DIP2A: variants seen among roughly 807,000 people sequenced by gnomAD.
The protein encoded by DIP2A is disco-interacting protein 2 homolog A.
DIP2A carries 85 observed loss-of-function variants against 177.4 expected under a neutral mutation model. The observed-to-expected ratio is 0.48, with a 90% confidence interval of 0.40 to 0.57. DIP2A has a LOEUF of 0.57. DIP2A is among the 20% of genes least tolerant of loss of function. The pLI is 0.00. For synonymous variants in DIP2A, 886 were observed against 881.8 expected, an observed-to-expected ratio of 1.00 and a Z score of -0.08; for missense variants, 1,791 against 2,100.2, an observed-to-expected ratio of 0.85 and a Z score of 2.88.
rs758206675 is a variant in DIP2A, at chr21:46,545,118, GTT to G, written c.2177-12_2177-11del. On this transcript the variant is annotated splice_polypyrimidine_tract_variant and intron_variant, in intron 18 of 37. Coordinates refer to ENST00000417564, the MANE Select transcript of DIP2A (RefSeq NM_015151.4). ...TTAAACACGTTCTTGATAATTTTGA[GTT>G]TTTTTTCTCATTTTAGCTAATGTAT... is the stretch of plus-strand genomic sequence containing the variant. 1.5e-5 allele frequency: 24 copies of G among 1,569,332 alleles called. No homozygotes were observed. The Admixed American group carries it at 4.3e-4, about 28-fold the overall frequency.
In DIP2A at chr21:46,557,604, T is replaced by C; in HGVS notation, c.3649T>C (p.Ser1217Pro). The C allele has an allele frequency of 6.2e-7, 1 of 1,612,786 alleles. No individual in the cohort carries two copies. The highest frequency in any genetic ancestry group is 2.2e-5 in the East Asian group (1 of 44,832). The change falls in exon 31 of 38, where the codon TCA (serine) becomes CCA (proline). Residue 1217 changes from serine to proline, a missense_variant. Transcript: ENST00000417564. The surrounding 1 kb of genome is among the most constrained non-coding windows in gnomAD (Gnocchi z 6.0). The stretch of plus-strand genomic sequence containing the variant: ...TCGCAGTGTCTACTCGGGACACCAA[T>C]CAGTGCTGGTGCCCCCGCTGGAGCT... ...CLCSVYSGHQ[S>P]VLVPPLELES...
At chr21:46,561,000 G>T (rs2839325) in intron 33 of DIP2A, 496,809 of 985,060 alleles carry the variant, frequency 0.5, 125,874 homozygotes, top group South Asian at 0.51. Context: ...CCCCACTCCG[G>T]GCGTGCCTCC....
intron 10 of DIP2A, among the ~76,000 whole-genome samples, 162 bp from the exon 11 acceptor site, chr21:46,533,362 G>A (rs117201884): frequency 0.043 from 6,603 of 152,202 alleles, 211 homozygotes; most frequent in Non-Finnish European, 0.065. Flanking sequence ...AACTATTTCC[G>A]TGAAAAGATC....
chr21:46,571,007 C>CA (rs1275081341), downstream of DIP2A, among the ~76,000 whole-genome samples: 1 of 152,148 alleles, frequency 6.6e-6, no homozygotes, highest in Non-Finnish European at 1.5e-5. Context: ...AACAGGTCCC[C>CA]AAGCCCTGGG....
At chr21:46,513,031 T>C (rs1305219087) in intron 8 of DIP2A, among the ~76,000 whole-genome samples, 1 of 152,174 alleles carries the variant, frequency 6.6e-6, no homozygotes, top group Non-Finnish European at 1.5e-5. Flanking sequence ...TCCTCACTAT[T>C]TGGATTGCCT....
rs979033822 is a variant in DIP2A at position 46,537,486 on chromosome 21, C to T, written c.1748C>T (p.Ala583Val). The T allele has an allele frequency of 5.0e-6, 8 of 1,614,184 alleles. No homozygotes were observed. Among genetic ancestry groups the T allele is most frequent in the Admixed American group, 1.7e-5 (1 of 60,018 alleles). The change falls in exon 15 of 38, where the codon GCG becomes GTG. Residue 583 changes from alanine to valine, a missense_variant. Coordinates refer to ENST00000417564, the MANE Select transcript of DIP2A (RefSeq NM_015151.4). This position sits in a 1 kb window ranked among gnomAD's most constrained non-coding sequence, Gnocchi z 4.1. Reference sequence around the variant, plus strand: ...ATGCACGTGGTCAGCGTCCCCTACGCGCTGATGAAGGCGAACCCACTCTCC... The same window carrying T: ...ATGCACGTGGTCAGCGTCCCCTACGTGCTGATGAAGGCGAACCCACTCTCC... ...NRMHVVSVPYALMKANPLSWI... is the reference protein window; with the variant it reads ...NRMHVVSVPYVLMKANPLSWI...
At chr21:46,579,300 G>T in the DIP2A span, among the ~76,000 whole-genome samples, 1 of 152,100 alleles carries the variant, frequency 6.6e-6, no homozygotes, top group Non-Finnish European at 1.5e-5. Context: ...GGTCAGTGGT[G>T]ATATTCTCTT....
intron 16 of DIP2A, 62 bp from the exon 17 acceptor site, chr21:46,539,815 C>CT (rs1194768042): frequency 5.1e-6 from 7 of 1,367,520 alleles, no homozygotes; most frequent in Non-Finnish European, 7.3e-6. Flanking sequence ...GCATGTCCAG[C>CT]CACCCCTTCC....
At position 46,566,436 on chromosome 21, in the gene DIP2A, C is replaced by T. The variant is rs1279403688; in HGVS notation, c.4340-124C>T. On this transcript the variant is annotated intron_variant, in intron 36 of 37. Transcript: ENST00000417564. ...ACCCTTTCTGCACGTGGTGTGCGACCTCATGATGTTTCAGTTGAGACCTCC... is the reference window on the plus strand; with the variant it reads ...ACCCTTTCTGCACGTGGTGTGCGACTTCATGATGTTTCAGTTGAGACCTCC... 2.3e-6 allele frequency: 3 copies of T among 1,331,948 alleles called. No individual in the cohort carries two copies. The African/African-American group carries it at 4.3e-5, about 19-fold the overall frequency. 82.5% of individuals were successfully genotyped at this position (1,331,948 alleles called of 1,614,324 possible). A position where few individuals can be genotyped will look rare whatever the true frequency, so the allele number is the denominator to read the frequency against.
intron 3 of DIP2A, among the ~76,000 whole-genome samples, chr21:46,494,362 G>A (rs536313321): frequency 2.6e-5 from 4 of 152,164 alleles, no homozygotes; most frequent in African/African-American, 7.2e-5. Flanking sequence ...AGGTTACAAC[G>A]TTCAGCTGTT....
chr21:46,490,570 A>G, intron 2 of DIP2A, 30 bp from the exon 3 acceptor site: 1 of 1,539,666 alleles, frequency 6.5e-7, no homozygotes, highest in Non-Finnish European at 8.7e-7. Flanking sequence ...AATTGTTCAC[A>G]TAAGGTATTC....
chr21:46,501,223 A>G (rs1028973527), intron 5 of DIP2A, among the ~76,000 whole-genome samples: 1 of 152,244 alleles, frequency 6.6e-6, no homozygotes. Context: ...GAGGTAGAAC[A>G]TATCAGGTAA....
At chr21:46,576,493 A>G in the DIP2A span, among the ~76,000 whole-genome samples, 6 of 152,284 alleles carry the variant, frequency 3.9e-5, no homozygotes, top group African/African-American at 1.4e-4. Flanking sequence ...CATGGTGTAA[A>G]TGTACCACAT....
chr21:46,549,943 C>G (rs1286864393), intron 22 of DIP2A, 58 bp downstream of exon 22: 1 of 1,598,886 alleles, frequency 6.3e-7, no homozygotes, highest in South Asian at 1.1e-5. Context: ...CACCCCCACT[C>G]CACTCCAAGT....
At chr21:46,544,270 T>G (rs1451546057) in intron 18 of DIP2A, among the ~76,000 whole-genome samples, 1 of 151,906 alleles carries the variant, frequency 6.6e-6, no homozygotes, top group Non-Finnish European at 1.5e-5. Flanking sequence ...CACTGAGGCC[T>G]GAGACATCGT....
chr21:46,535,605 T>C lies in DIP2A; in HGVS notation c.1642+918T>C, dbSNP rs955037989. Among the ~76,000 whole-genome samples the C allele has an allele frequency of 2.6e-5, 4 of 152,188 alleles. No homozygotes were observed. In the South Asian group the frequency reaches 8.3e-4, roughly 32 times the overall value. On this transcript the variant is annotated intron_variant, in intron 13 of 37. Transcript: ENST00000417564. Reference sequence around the variant, plus strand: ...AGAATTTTTAAAAAAGAAAAAAATATAGGTGTTTAAAAGCAAGGGTATAAG... The same window carrying C: ...AGAATTTTTAAAAAAGAAAAAAATACAGGTGTTTAAAAGCAAGGGTATAAG...
At chr21:46,507,238 A>C (rs1016235548) in intron 6 of DIP2A, among the ~76,000 whole-genome samples, 1 of 152,154 alleles carries the variant, frequency 6.6e-6, no homozygotes, top group Non-Finnish European at 1.5e-5. Context: ...CAGTTTACCA[A>C]ATTTTTTTAT....
At chr21:46,481,486 G>T (rs2056339838) in intron 1 of DIP2A, among the ~76,000 whole-genome samples, 1 of 152,162 alleles carries the variant, frequency 6.6e-6, no homozygotes. Flanking sequence ...AAGTGGAATT[G>T]CTGGGTCGTC....
chr21:46,550,017 C>T (rs957244022), intron 22 of DIP2A, 132 bp downstream of exon 22: 9 of 1,501,896 alleles, frequency 6.0e-6, no homozygotes, highest in East Asian at 2.3e-5. Flanking sequence ...CTGTATTTTT[C>T]ATTGCAAATT....
Sources: gnomAD v4.1 joint callset for allele counts (sites outside exome capture counted in the v4.1 genomes callset) on GRCh38, gnomAD v4.1.1 for gene constraint, Gnocchi (gnomAD v3.1) non-coding constraint, MANE v1.5 for transcripts, NCBI Gene and HGNC (gene_info 2026-07-23, HGNC 2026-07-21) for gene names.